LINGO2: variants seen among roughly 807,000 people sequenced by gnomAD.
LINGO2 encodes the protein leucine-rich repeat and immunoglobulin-like domain-containing nogo receptor-interacting protein 2.
A neutral mutation model predicts 30.6 loss-of-function variants in LINGO2; 14 were observed. The ratio of observed to expected loss-of-function variants is 0.46; its 90% confidence interval spans 0.30 to 0.72. LINGO2 has a LOEUF of 0.72. LINGO2 is among the 30% of genes least tolerant of loss of function. The pLI is 0.07. For missense variants in LINGO2, 729 were observed against 751.7 expected (o/e 0.97, Z 0.35); for synonymous variants, 317 against 288.5 (o/e 1.10, Z -1.00).
intron 4 of LINGO2, among the ~76,000 whole-genome samples, chr9:28,145,577 AC>A: frequency 6.6e-6 from 1 of 152,142 alleles, no homozygotes; most frequent in Middle Eastern, 3.4e-3. Flanking sequence ...TTTTGTGAAC[AC>A]TTGGAAAACA....
At chr9:28,343,543 A>C (rs2134401511) in intron 3 of LINGO2, among the ~76,000 whole-genome samples, 1 of 152,332 alleles carries the variant, frequency 6.6e-6, no homozygotes, top group South Asian at 2.1e-4. Context: ...ACATCGTGAT[A>C]AAAGTACTCT....
intron 4 of LINGO2, among the ~76,000 whole-genome samples, chr9:28,038,465 G>A (rs987360786): frequency 9.2e-5 from 14 of 152,072 alleles, no homozygotes; most frequent in South Asian, 4.2e-4. Flanking sequence ...AGGCCGAGGC[G>A]GGCGGATCAC....
chr9:28,716,995 G>A, the LINGO2 span, among the ~76,000 whole-genome samples: 2 of 151,906 alleles, frequency 1.3e-5, no homozygotes, highest in Non-Finnish European at 2.9e-5. Flanking sequence ...TACAATTATA[G>A]ACAATAATAT....
the LINGO2 span, among the ~76,000 whole-genome samples, chr9:28,749,569 C>G: frequency 6.6e-6 from 1 of 151,854 alleles, no homozygotes; most frequent in Non-Finnish European, 1.5e-5. Flanking sequence ...AAATTTTAAC[C>G]AGCTAACCAA....
chr9:29,009,892 T>A, the LINGO2 span, among the ~76,000 whole-genome samples: 22 of 152,178 alleles, frequency 1.4e-4, no homozygotes, highest in African/African-American at 5.3e-4. Flanking sequence ...TACAACCATC[T>A]GATCTTGGAC....
intron 3 of LINGO2, among the ~76,000 whole-genome samples, chr9:28,360,893 C>T (rs924416691): frequency 2.0e-5 from 3 of 152,094 alleles, no homozygotes; most frequent in Non-Finnish European, 2.9e-5. Context: ...GGAGGAGACA[C>T]AAAATGGCAC....
At chr9:29,023,576 A>G in the LINGO2 span, among the ~76,000 whole-genome samples, 1 of 152,140 alleles carries the variant, frequency 6.6e-6, no homozygotes, top group East Asian at 1.9e-4. Flanking sequence ...TGGTGCTTGC[A>G]TAGTACAAAA....
In LINGO2 at chr9:28,441,251, C is replaced by CTTTTTTT. The variant is rs72213590; in HGVS notation, c.-279+34682_-279+34688dup. 3.5e-3 allele frequency among the ~76,000 whole-genome samples: 126 copies of CTTTTTTT among 36,286 alleles called. 21 individuals carry two copies. Among genetic ancestry groups the CTTTTTTT allele is most frequent in the South Asian group, 8.6e-3 (7 of 810 alleles). 23.8% of individuals were successfully genotyped at this position (36,286 alleles called of 152,430 possible). The stretch of plus-strand genomic sequence containing the variant: ...TATAGCAGTATAAATTCATTGGAGG[C>CTTTTTTT]TTTTTTTTTTTTTTTTTTTTTTTTT... On this transcript the variant is annotated intron_variant, in intron 2 of 5. Coordinates refer to ENST00000379992, the Ensembl canonical transcript of LINGO2.
chr9:28,475,945 T>A (rs1159661448), exon 2 of LINGO2: 2 of 152,612 alleles, frequency 1.3e-5, no homozygotes, highest in African/African-American at 2.4e-5. Context: ...CTTACCAGTT[T>A]GAATTGTTGG....
At chr9:28,647,527 C>G (rs12348177) in intron 1 of LINGO2, among the ~76,000 whole-genome samples, 45,819 of 151,796 alleles carry the variant, frequency 0.3, 8,025 homozygotes, top group African/African-American at 0.48. Flanking sequence ...TTTCCTACTA[C>G]CTCCCAATAG....
chr9:28,573,554 CAT>C (rs1823808731), intron 1 of LINGO2, among the ~76,000 whole-genome samples: 1 of 152,116 alleles, frequency 6.6e-6, no homozygotes, highest in African/African-American at 2.4e-5. Flanking sequence ...ACTGCAGGAA[CAT>C]GACTATTTTC....
At chr9:27,988,088 C>T (rs201604354) in intron 5 of LINGO2, among the ~76,000 whole-genome samples, 11 of 151,894 alleles carry the variant, frequency 7.2e-5, no homozygotes, top group Non-Finnish European at 1.3e-4. Flanking sequence ...CACCTATGAT[C>T]GAGAACATGT....
the LINGO2 span, among the ~76,000 whole-genome samples, chr9:28,839,053 A>T: frequency 6.6e-6 from 1 of 152,198 alleles, no homozygotes; most frequent in Non-Finnish European, 1.5e-5. Context: ...AAACTTGGAG[A>T]TACTAGGAAC....
At chr9:29,039,910 T>C in the LINGO2 span, among the ~76,000 whole-genome samples, 1 of 152,162 alleles carries the variant, frequency 6.6e-6, no homozygotes, top group Non-Finnish European at 1.5e-5. Context: ...TAATAGCATT[T>C]CAACTGATAT....
intron 2 of LINGO2, among the ~76,000 whole-genome samples, chr9:28,405,536 T>A (rs1397110218): frequency 6.6e-6 from 1 of 152,162 alleles, no homozygotes; most frequent in African/African-American, 2.4e-5. Context: ...AAAAATGTAT[T>A]AAATTTACCT....
chr9:28,867,495 A>G, the LINGO2 span, among the ~76,000 whole-genome samples: 1 of 152,150 alleles, frequency 6.6e-6, no homozygotes, highest in South Asian at 2.1e-4. Context: ...AAAAAAAAAA[A>G]AAGAAGACAA....
chr9:27,956,661 AT>A (rs1179163423), intron 5 of LINGO2, among the ~76,000 whole-genome samples: 2 of 152,016 alleles, frequency 1.3e-5, no homozygotes, highest in African/African-American at 4.8e-5. Flanking sequence ...TCTTCTGGAA[AT>A]TTTTATAGTT....
chr9:28,602,653 A>T (rs1334732321), intron 1 of LINGO2, among the ~76,000 whole-genome samples: 1 of 152,014 alleles, frequency 6.6e-6, no homozygotes, highest in Non-Finnish European at 1.5e-5. Flanking sequence ...TAGTTTATGT[A>T]TTTTTTTATT....
the LINGO2 span, among the ~76,000 whole-genome samples, chr9:29,075,471 T>C: frequency 6.6e-6 from 1 of 152,198 alleles, no homozygotes; most frequent in Non-Finnish European, 1.5e-5. Flanking sequence ...TTGGTACTAA[T>C]AAGATCCTCT....
Sources: gnomAD v4.1 joint callset for allele counts (sites outside exome capture counted in the v4.1 genomes callset) on GRCh38, gnomAD v4.1.1 for gene constraint, MANE v1.5 for transcripts, NCBI Gene and HGNC (gene_info 2026-07-23, HGNC 2026-07-21) for gene names.